Variants in CPS1 observed in about 807,000 individuals in gnomAD.
CPS1 encodes carbamoyl-phosphate synthase [ammonia], mitochondrial.
CPS1 carries 109 observed loss-of-function variants against 174.6 expected under a neutral mutation model. That is an observed-to-expected ratio of 0.62 (90% CI 0.53 to 0.73). The LOEUF is 0.73. CPS1 is among the 30% of genes least tolerant of loss of function. The pLI is 0.00. For missense variants in CPS1, 1,689 were observed against 1,821.9 expected, an observed-to-expected ratio of 0.93 and a Z score of 1.33; for synonymous variants, 637 against 632.0, an observed-to-expected ratio of 1.01 and a Z score of -0.12.
At chr2:210,534,663 C>A (rs543322471) in intron 1 of CPS1, among the ~76,000 whole-genome samples, 1 of 152,190 alleles carries the variant, frequency 6.6e-6, no homozygotes, top group Non-Finnish European at 1.5e-5. Context: ...CTCAGGTATA[C>A]AGAAATGAAA....
At chr2:210,666,195 T>G (rs1316803795) in intron 33 of CPS1, among the ~76,000 whole-genome samples, 3 of 151,494 alleles carry the variant, frequency 2.0e-5, no homozygotes, top group Non-Finnish European at 4.4e-5. Flanking sequence ...CTTGTAAATT[T>G]GTTTGAGTTC....
chr2:210,633,753 A>T (rs1699943410), intron 21 of CPS1, among the ~76,000 whole-genome samples: 1 of 152,224 alleles, frequency 6.6e-6, no homozygotes, highest in African/African-American at 2.4e-5. Flanking sequence ...AAGACCCTCT[A>T]AAAATTGCAA....
intron 7 of CPS1, among the ~76,000 whole-genome samples, chr2:210,589,579 T>C (rs1698217651): frequency 6.6e-6 from 1 of 152,090 alleles, no homozygotes; most frequent in African/African-American, 2.4e-5. Flanking sequence ...ATGGCATTTG[T>C]AGGCACTGAA....
intron 1 of CPS1, among the ~76,000 whole-genome samples, chr2:210,501,857 C>T (rs1328235144): frequency 2.0e-5 from 3 of 152,180 alleles, no homozygotes; most frequent in Non-Finnish European, 4.4e-5. Flanking sequence ...TTTACAGCAG[C>T]CTCCCATTAC....
intron 2 of CPS1, among the ~76,000 whole-genome samples, chr2:210,574,620 A>G (rs1697624731): frequency 1.3e-5 from 2 of 152,068 alleles, no homozygotes; most frequent in Admixed American, 6.6e-5. Context: ...CCAACAAACA[A>G]CTGTTTAATA....
At chr2:210,670,026 A>G (rs1368065159) in intron 34 of CPS1, among the ~76,000 whole-genome samples, 3 of 152,084 alleles carry the variant, frequency 2.0e-5, no homozygotes, top group African/African-American at 7.2e-5. Context: ...AGTGGACAGA[A>G]TTTTGCTTTG....
intron 17 of CPS1, 67 bp downstream of exon 17, chr2:210,605,313 C>A (rs1425957355): frequency 8.3e-6 from 13 of 1,565,546 alleles, no homozygotes; most frequent in Non-Finnish European, 1.1e-5. Flanking sequence ...CCAAGGCAGT[C>A]TTTATAAAGT....
chr2:210,595,444 C>T (rs1440959163), intron 12 of CPS1, 43 bp from the exon 13 acceptor site: 8 of 1,365,932 alleles, frequency 5.9e-6, no homozygotes, highest in Non-Finnish European at 8.4e-6. Context: ...TTATTTCCCC[C>T]ATTTTAGCAG....
At chr2:210,566,517 T>G (rs1225723801) in intron 1 of CPS1, among the ~76,000 whole-genome samples, 1 of 152,214 alleles carries the variant, frequency 6.6e-6, no homozygotes, top group Non-Finnish European at 1.5e-5. Flanking sequence ...CCATGGCAAT[T>G]TTGAATTAAG....
chr2:210,611,279 A>C, intron 19 of CPS1, among the ~76,000 whole-genome samples: 1 of 152,002 alleles, frequency 6.6e-6, no homozygotes, highest in Non-Finnish European at 1.5e-5. Flanking sequence ...CATTAGTGGT[A>C]ATTTGAGTCT....
At chr2:210,510,228 T>C (rs78421188) in intron 1 of CPS1, among the ~76,000 whole-genome samples, 31,005 of 151,948 alleles carry the variant, frequency 0.2, 3,684 homozygotes, top group Middle Eastern at 0.32. Flanking sequence ...TGCCACGTTA[T>C]CTACAACTAT....
At chr2:210,632,251 A>G (rs932392529) in intron 21 of CPS1, among the ~76,000 whole-genome samples, 6 of 152,256 alleles carry the variant, frequency 3.9e-5, no homozygotes, top group Non-Finnish European at 8.8e-5. Flanking sequence ...TGGAGGGAGC[A>G]TAATGTGGGC....
At chr2:210,513,186 C>G (rs574165942) in intron 1 of CPS1, among the ~76,000 whole-genome samples, 1 of 145,170 alleles carries the variant, frequency 6.9e-6, no homozygotes, top group Non-Finnish European at 1.5e-5. Flanking sequence ...ATATATATCT[C>G]TCTCTCTCCA....
chr2:210,513,012 ATC>A (rs200461331), intron 1 of CPS1, among the ~76,000 whole-genome samples: 390 of 10,286 alleles, frequency 0.038, 190 homozygotes, highest in South Asian at 0.12. Context: ...ATATATATAT[ATC>A]TATATATCTA....
At chr2:210,661,929 G>A (rs1319989089) in intron 32 of CPS1, among the ~76,000 whole-genome samples, 27 of 120,422 alleles carry the variant, frequency 2.2e-4, no homozygotes, top group Non-Finnish European at 4.0e-4. Context: ...TTTTTGAGAC[G>A]GAGTCTTGCT....
chr2:210,505,733 G>A (rs1325606101), intron 1 of CPS1, among the ~76,000 whole-genome samples: 2 of 152,198 alleles, frequency 1.3e-5, no homozygotes, highest in Admixed American at 1.3e-4. Context: ...GGCACACCAG[G>A]AGATTGTATC....
chr2:210,556,476 T>C (rs1574519970), upstream of CPS1: 1 of 949,520 alleles, frequency 1.1e-6, no homozygotes, highest in East Asian at 3.2e-5. Flanking sequence ...AAGGTAGTAT[T>C]TGATGTGTTG....
chr2:210,561,474 T>C (rs1697099234), intron 1 of CPS1, among the ~76,000 whole-genome samples: 1 of 152,204 alleles, frequency 6.6e-6, no homozygotes, highest in Non-Finnish European at 1.5e-5. Flanking sequence ...GCTATGGAAA[T>C]GGAGACTATT....
At chr2:210,552,546 G>A (rs1193567320), upstream of CPS1, among the ~76,000 whole-genome samples, 1 of 151,898 alleles carries the variant, frequency 6.6e-6, no homozygotes, top group Non-Finnish European at 1.5e-5. Context: ...GGAAGTCTCT[G>A]TACCTTCAAA....
Sources: allele counts gnomAD v4.1 joint callset (sites outside exome capture counted in the v4.1 genomes callset), GRCh38; gene constraint gnomAD v4.1.1; transcripts MANE v1.5; gene names NCBI Gene and HGNC (gene_info 2026-07-23, HGNC 2026-07-21).